ATG7: variants seen among roughly 807,000 people sequenced by gnomAD.
ATG7 encodes the protein autophagy related 7.
Under a neutral mutation model 82.4 loss-of-function variants are expected in ATG7, and 70 were observed. That is an observed-to-expected ratio of 0.85 (90% CI 0.70 to 1.04). The LOEUF (loss-of-function observed/expected upper bound fraction) is 1.04. ATG7 is among the 50% of genes least tolerant of loss of function. ATG7 has a pLI of 0.00. For missense variants in ATG7, 792 were observed against 864.3 expected, an observed-to-expected ratio of 0.92 and a Z score of 1.05; for synonymous variants, 287 against 313.0, an observed-to-expected ratio of 0.92 and a Z score of 0.88.
intron 20 of ATG7, among the ~76,000 whole-genome samples, chr3:11,484,003 T>C (rs1486707423): frequency 1.4e-4 from 22 of 152,200 alleles, no homozygotes; most frequent in Non-Finnish European, 2.9e-5. Flanking sequence ...GGGTAGAATT[T>C]GGTATAATTT....
chr3:11,499,484 G>A (rs1179746474), intron 20 of ATG7, among the ~76,000 whole-genome samples: 4 of 152,104 alleles, frequency 2.6e-5, no homozygotes, highest in African/African-American at 7.2e-5. Context: ...AGTGGCTCAC[G>A]CCTGCAATCC....
intron 19 of ATG7, among the ~76,000 whole-genome samples, chr3:11,395,114 A>C (rs560016083): frequency 1.7e-4 from 26 of 152,326 alleles, no homozygotes; most frequent in Admixed American, 1.6e-3. Flanking sequence ...TAGAACTGAA[A>C]ATTCAAAAAC....
chr3:11,555,112 T>C lies in ATG7; in HGVS notation c.*269T>C. ...GGTCCTCCATGCAGTTTTTATTTCTTGTCACAGTGACTGATAGCCATCCCC... is the reference window on the plus strand; with the variant it reads ...GGTCCTCCATGCAGTTTTTATTTCTCGTCACAGTGACTGATAGCCATCCCC... On this transcript the variant is annotated 3_prime_UTR_variant, in exon 21 of 21. Coordinates refer to ENST00000693202, the MANE Select transcript of ATG7 (RefSeq NM_001349232.2). 2.0e-6 allele frequency: 1 copy of C among 488,806 alleles called. No homozygotes were observed. 30.3% of individuals were successfully genotyped at this position (488,806 alleles called of 1,614,324 possible). A position where few individuals can be genotyped will look rare whatever the true frequency, so the allele number is the denominator to read the frequency against.
intron 20 of ATG7, among the ~76,000 whole-genome samples, chr3:11,440,700 T>TG (rs2083850199): frequency 7.4e-6 from 1 of 134,278 alleles, no homozygotes; most frequent in African/African-American, 2.9e-5. Flanking sequence ...TTTTTTTTTT[T>TG]GAGACGGACT....
intron 20 of ATG7, among the ~76,000 whole-genome samples, chr3:11,495,047 G>C (rs2090710244): frequency 1.3e-5 from 2 of 152,086 alleles, no homozygotes; most frequent in Non-Finnish European, 2.9e-5. Context: ...ACTCCAGCCT[G>C]GGTGACAGAG....
At chr3:11,336,027 T>G (rs1277631849) in intron 11 of ATG7, among the ~76,000 whole-genome samples, 1 of 148,316 alleles carries the variant, frequency 6.7e-6, no homozygotes, top group Non-Finnish European at 1.5e-5. Flanking sequence ...TGAGCCACTG[T>G]GCCCGGTCAT....
chr3:11,330,390 C>T (rs1951475164), intron 9 of ATG7, among the ~76,000 whole-genome samples: 1 of 152,078 alleles, frequency 6.6e-6, no homozygotes, highest in African/African-American at 2.4e-5. Context: ...TTATTTTATA[C>T]TTTGGGTTAT....
At chr3:11,387,577 C>G (rs149298331) in intron 19 of ATG7, among the ~76,000 whole-genome samples, 48 of 152,314 alleles carry the variant, frequency 3.2e-4, no homozygotes, top group African/African-American at 1.1e-3. Flanking sequence ...TGGAATTAAT[C>G]TCATTCACCT....
intron 20 of ATG7, among the ~76,000 whole-genome samples, chr3:11,532,126 G>A (rs1007685217): frequency 1.3e-5 from 2 of 152,140 alleles, no homozygotes; most frequent in Admixed American, 6.5e-5. Context: ...CAGGGCTGGG[G>A]TTCTTGCCCC....
At chr3:11,450,726 C>T (rs896702914) in intron 20 of ATG7, among the ~76,000 whole-genome samples, 1 of 152,204 alleles carries the variant, frequency 6.6e-6, no homozygotes. Flanking sequence ...TCTTTCCAAG[C>T]TGCACATGGG....
intron 20 of ATG7, among the ~76,000 whole-genome samples, chr3:11,517,255 C>T (rs976483917): frequency 3.3e-5 from 5 of 151,630 alleles, no homozygotes; most frequent in Non-Finnish European, 5.9e-5. Context: ...GCAGGAGAAT[C>T]GCTTGAACCC....
At chr3:11,281,208 C>G (rs528678660) in intron 2 of ATG7, 106 bp downstream of exon 2, 4 of 152,360 alleles carry the variant, frequency 2.6e-5, no homozygotes, top group African/African-American at 9.6e-5. Context: ...GTGCACTGCA[C>G]AAGAGGCCAC....
chr3:11,437,068 C>G (rs1443104749), intron 20 of ATG7, among the ~76,000 whole-genome samples: 1 of 152,144 alleles, frequency 6.6e-6, no homozygotes, highest in African/African-American at 2.4e-5. Context: ...TGTGAATTAT[C>G]AATACAGATG....
At chr3:11,310,634 GT>G (rs1210766518) in intron 7 of ATG7, among the ~76,000 whole-genome samples, 64 of 142,080 alleles carry the variant, frequency 4.5e-4, no homozygotes, top group African/African-American at 5.9e-4. Flanking sequence ...TAATTCTGTA[GT>G]TTTTTTTTTT....
chr3:11,374,897 A>C (rs1324575933), intron 18 of ATG7, among the ~76,000 whole-genome samples: 1 of 32,566 alleles, frequency 3.1e-5, no homozygotes. Context: ...GAGCTCAAAA[A>C]AAAAAAAAAA....
intron 20 of ATG7, among the ~76,000 whole-genome samples, chr3:11,483,810 C>T (rs574716434): frequency 1.3e-3 from 201 of 152,234 alleles, no homozygotes; most frequent in Non-Finnish European, 2.4e-3. Flanking sequence ...ATGGACTCTA[C>T]GGTAGAATTT....
intron 15 of ATG7, among the ~76,000 whole-genome samples, chr3:11,360,341 C>G (rs750112318): frequency 1.3e-5 from 2 of 152,204 alleles, no homozygotes; most frequent in Non-Finnish European, 2.9e-5. Flanking sequence ...GCCACTATAC[C>G]TGGTCTGTTA....
intron 19 of ATG7, among the ~76,000 whole-genome samples, chr3:11,388,488 G>A (rs2078493021): frequency 6.6e-6 from 1 of 151,400 alleles, no homozygotes; most frequent in Admixed American, 6.6e-5. Context: ...GAGTGCAGTG[G>A]CGCTATCTCA....
chr3:11,440,674 CTTT>C (rs72177700), intron 20 of ATG7, among the ~76,000 whole-genome samples: 3 of 39,482 alleles, frequency 7.6e-5, no homozygotes, highest in Non-Finnish European at 1.2e-4. Context: ...TCCCCATTTG[CTTT>C]TTTTTTTTTT....
Sources: allele counts gnomAD v4.1 joint callset (sites outside exome capture counted in the v4.1 genomes callset), GRCh38; gene constraint gnomAD v4.1.1; transcripts MANE v1.5; gene names NCBI Gene and HGNC (gene_info 2026-07-23, HGNC 2026-07-21).